The following TLL2 variants were observed in gnomAD, a reference collection of about 807,000 sequenced individuals.
The protein encoded by TLL2 is tolloid-like protein 2.
In TLL2, 106 loss-of-function variants were observed where a neutral mutation model predicts 123.0. That is an observed-to-expected ratio of 0.86 (90% CI 0.74 to 1.01). TLL2 has a LOEUF of 1.01. Among genes scored for constraint, TLL2 ranks in the 50% least tolerant of loss-of-function variants. The pLI, the probability that TLL2 is intolerant of heterozygous loss-of-function variation, is 0.00. For missense variants in TLL2, 1,332 were observed against 1,336.7 expected (o/e 1.00, Z 0.06); for synonymous variants, 494 against 516.8 (o/e 0.96, Z 0.60).
chr10:96,387,226 A>C, intron 13 of TLL2, 148 bp from the exon 14 acceptor site: 1 of 1,109,298 alleles, frequency 9.0e-7, no homozygotes, highest in Non-Finnish European at 1.3e-6. Context: ...TGCCATGTCC[A>C]CCTCTGAAAA....
At position 96,461,492 on chromosome 10, in the gene TLL2, C is replaced by A. The variant is rs1051895352; in HGVS notation, c.287-15324G>T. ...CCCAAGCTCTGCCTGAATCTGATCC[C>A]AGCACGCCTTTCCAACTTCTCTCCC... On this transcript the variant is annotated intron_variant, in intron 2 of 20. Transcript: ENST00000357947. Among the ~76,000 whole-genome samples the A allele has an allele frequency of 2.0e-5, 3 of 152,310 alleles. No individual in the cohort carries two copies. In the East Asian group the frequency reaches 5.8e-4, roughly 29 times the overall value.
At chr10:96,447,886 C>A (rs560962433) in intron 2 of TLL2, among the ~76,000 whole-genome samples, 2 of 152,240 alleles carry the variant, frequency 1.3e-5, no homozygotes, top group South Asian at 4.1e-4. Context: ...AAGCTAAGGG[C>A]TCGGGACACA....
intron 3 of TLL2, among the ~76,000 whole-genome samples, chr10:96,434,440 ACAC>A (rs1265609541): frequency 6.6e-6 from 1 of 152,262 alleles, no homozygotes. Context: ...AGATGGAATC[ACAC>A]CACATGTGGC....
intron 10 of TLL2, among the ~76,000 whole-genome samples, chr10:96,398,405 C>T (rs746106982): frequency 6.6e-6 from 1 of 152,324 alleles, no homozygotes; most frequent in Middle Eastern, 3.4e-3. Flanking sequence ...TTGGCATAAA[C>T]TATGCCCCCA....
chr10:96,477,211 C>T (rs550535193), intron 2 of TLL2, among the ~76,000 whole-genome samples: 1 of 151,056 alleles, frequency 6.6e-6, no homozygotes, highest in African/African-American at 2.4e-5. Context: ...TAAAAACACA[C>T]TAGAAAAAAA....
chr10:96,409,643 C>T (rs923986995), intron 9 of TLL2, among the ~76,000 whole-genome samples: 1 of 152,276 alleles, frequency 6.6e-6, no homozygotes, highest in South Asian at 2.1e-4. Flanking sequence ...AAACATACCA[C>T]CCTTGGACCA....
At chr10:96,470,818 G>A (rs1308704019) in intron 2 of TLL2, among the ~76,000 whole-genome samples, 1 of 152,184 alleles carries the variant, frequency 6.6e-6, no homozygotes, top group Non-Finnish European at 1.5e-5. Context: ...GAACTGTTGT[G>A]TGAAGATTAA....
intron 2 of TLL2, among the ~76,000 whole-genome samples, chr10:96,449,731 C>G (rs1307618802): frequency 1.3e-5 from 2 of 152,316 alleles, no homozygotes; most frequent in East Asian, 3.9e-4. Context: ...CTCCTACTCC[C>G]TCCACTGCCA....
At chr10:96,494,166 G>A (rs1847446341) in intron 1 of TLL2, among the ~76,000 whole-genome samples, 1 of 152,206 alleles carries the variant, frequency 6.6e-6, no homozygotes, top group African/African-American at 2.4e-5. Flanking sequence ...TGGGCCTGGA[G>A]GAGTCCTCAC....
intron 16 of TLL2, 147 bp downstream of exon 16, chr10:96,384,440 T>C: frequency 1.4e-6 from 1 of 717,704 alleles, no homozygotes; most frequent in African/African-American, 1.8e-5. Flanking sequence ...AAGCCCTGGA[T>C]CTGGCACGCC....
intron 3 of TLL2, among the ~76,000 whole-genome samples, chr10:96,445,016 C>G (rs534571446): frequency 2.0e-5 from 3 of 152,050 alleles, no homozygotes; most frequent in Non-Finnish European, 4.4e-5. Flanking sequence ...GGTGAAACCC[C>G]GTCTCTACTA....
intron 3 of TLL2, among the ~76,000 whole-genome samples, chr10:96,433,675 C>T (rs1846766494): frequency 6.6e-6 from 1 of 152,166 alleles, no homozygotes. Flanking sequence ...AGTTGGCTTG[C>T]TTAGAATCCC....
chr10:96,389,085 T>C (rs371089912), intron 13 of TLL2, among the ~76,000 whole-genome samples: 3 of 152,156 alleles, frequency 2.0e-5, no homozygotes, highest in Admixed American at 2.0e-4. Context: ...CTAAAAAGCA[T>C]AGAAAGAAGA....
chr10:96,423,364 T>A (rs1846645588), intron 5 of TLL2, among the ~76,000 whole-genome samples: 1 of 152,174 alleles, frequency 6.6e-6, no homozygotes, highest in South Asian at 2.1e-4. Context: ...GCTGGGCCAT[T>A]TTTAATGAAA....
intron 3 of TLL2, among the ~76,000 whole-genome samples, chr10:96,445,561 A>G (rs75403467): frequency 0.01 from 1,563 of 151,898 alleles, 27 homozygotes; most frequent in African/African-American, 0.033. Flanking sequence ...CTCCAGTTTT[A>G]TTTTTCTTCT....
At chr10:96,451,817 A>G (rs1217567519) in intron 2 of TLL2, among the ~76,000 whole-genome samples, 4 of 152,246 alleles carry the variant, frequency 2.6e-5, no homozygotes, top group Non-Finnish European at 4.4e-5. Flanking sequence ...GATTCTCTCC[A>G]TATCGGTCTG....
chr10:96,421,615 G>A lies in TLL2; in HGVS notation c.818-554C>T, dbSNP rs539127761. ...GGAGACGGAGCTTGCAGTGAGCCAA[G>A]ATCGCACCACTGCACTCCAGCCTGG... On this transcript the variant is annotated intron_variant, in intron 6 of 20. Coordinates refer to ENST00000357947, the MANE Select transcript of TLL2 (RefSeq NM_012465.4). Among the ~76,000 whole-genome samples the A allele has an allele frequency of 4.0e-5, 6 of 151,194 alleles. No homozygotes were observed. The South Asian group carries it at 1.3e-3, about 32-fold the overall frequency.
chr10:96,465,162 G>A (rs1197596958), intron 2 of TLL2, among the ~76,000 whole-genome samples: 2 of 152,200 alleles, frequency 1.3e-5, no homozygotes, highest in African/African-American at 4.8e-5. Flanking sequence ...TGACCTTTGC[G>A]GGACAGATGT....
chr10:96,483,634 G>A (rs1179767503), intron 1 of TLL2, among the ~76,000 whole-genome samples: 2 of 152,162 alleles, frequency 1.3e-5, no homozygotes, highest in African/African-American at 4.8e-5. Flanking sequence ...CAAGATCTTG[G>A]ACTTGGAGCC....
Sources: gnomAD v4.1 joint callset for allele counts (sites outside exome capture counted in the v4.1 genomes callset) on GRCh38, gnomAD v4.1.1 for gene constraint, MANE v1.5 for transcripts, NCBI Gene and HGNC (gene_info 2026-07-23, HGNC 2026-07-21) for gene names.